The following ZNF100 variants were observed in gnomAD, a reference collection of about 807,000 sequenced individuals.
The protein encoded by ZNF100 is zinc finger protein 100, also known as zinc finger protein 100 (Y1).
ZNF100 carries 12 observed loss-of-function variants against 15.8 expected under a neutral mutation model. That is an observed-to-expected ratio of 0.76 (90% CI 0.49 to 1.23). The LOEUF (loss-of-function observed/expected upper bound fraction) is 1.23, where lower values mean the gene tolerates loss of function less well. Ranked by LOEUF, ZNF100 falls within the 50% of genes most tolerant of loss-of-function variation. The pLI is 0.00. For synonymous variants in ZNF100, 226 were observed against 214.8 expected, an observed-to-expected ratio of 1.05 and a Z score of -0.45; for missense variants, 670 against 635.6, an observed-to-expected ratio of 1.05 and a Z score of -0.58.
rs1431725041 is a variant in ZNF100, at chr19:21,725,646, G to A, written c.*1037C>T. ...AGAAAAGGCAGGAAATAATTTAAGA[G>A]TTGAATTACATTATTACTCACTTTT... On this transcript the variant is annotated 3_prime_UTR_variant, in exon 5 of 5. Coordinates refer to ENST00000358296, the MANE Select transcript of ZNF100 (RefSeq NM_173531.4). 1 of 152,062 alleles carries A rather than the reference G, an allele frequency of 6.6e-6. No individual in the cohort carries two copies. The highest frequency in any genetic ancestry group is 1.5e-5 in the Non-Finnish European group (1 of 67,978). 9.4% of individuals were successfully genotyped at this position (152,062 alleles called of 1,614,324 possible).
rs567834595 is a variant in ZNF100 at position 21,733,257 on chromosome 19, T to C, written c.323-5268A>G. On this transcript the variant is annotated intron_variant, in intron 4 of 4. Transcript: ENST00000358296. ...ATAAAAAACAAGATATAAATCTGCA[T>C]AAATCTGTTAATAGATACACAATGT... 2.6e-5 allele frequency among the ~76,000 whole-genome samples: 4 copies of C among 151,586 alleles called. No individual in the cohort carries two copies. The East Asian group carries it at 7.7e-4, about 29-fold the overall frequency.
chr19:21,760,882 G>A (rs926088006), intron 2 of ZNF100, among the ~76,000 whole-genome samples: 8 of 149,818 alleles, frequency 5.3e-5, no homozygotes, highest in African/African-American at 1.2e-4. Flanking sequence ...TCAGCCTCCC[G>A]AGTAGCTGGG....
At chr19:21,751,206 C>A in intron 2 of ZNF100, 3 of 1,303,028 alleles carry the variant, frequency 2.3e-6, no homozygotes, top group Non-Finnish European at 3.3e-6. Flanking sequence ...AAAAGTATAG[C>A]TCATGCTCAA....
rs2036584312 is a variant in ZNF100 at position 21,767,467 on chromosome 19, G to A, written c.-38C>T. ...AGGGGGTCCTGGCGTCTTAGCTGTG[G>A]ATCTCCCAATATCTGCAGGTCAGAG... On this transcript the variant is annotated 5_prime_UTR_variant, in exon 1 of 5. Coordinates refer to ENST00000358296, the MANE Select transcript of ZNF100 (RefSeq NM_173531.4). 1 of 1,613,860 alleles carries A rather than the reference G, an allele frequency of 6.2e-7. No homozygotes were observed. The highest frequency in any genetic ancestry group is 8.5e-7 in the Non-Finnish European group (1 of 1,179,916).
At chr19:21,751,044 C>T in intron 2 of ZNF100, 1 of 1,352,788 alleles carries the variant, frequency 7.4e-7, no homozygotes. Context: ...AGCACATCAG[C>T]GACCACGAGA....
At chr19:21,744,349 G>A (rs2036173830) in intron 3 of ZNF100, among the ~76,000 whole-genome samples, 1 of 152,066 alleles carries the variant, frequency 6.6e-6, no homozygotes, top group South Asian at 2.1e-4. Context: ...TTTAAAATAT[G>A]GGCAAATATA....
intron 4 of ZNF100, among the ~76,000 whole-genome samples, chr19:21,731,559 A>G (rs1180431780): frequency 6.6e-6 from 1 of 152,116 alleles, no homozygotes; most frequent in Admixed American, 6.6e-5. Flanking sequence ...CGCCTGCCTC[A>G]GCCTCTCAAA....
intron 4 of ZNF100, among the ~76,000 whole-genome samples, chr19:21,737,814 C>T (rs1472442771): frequency 1.3e-5 from 2 of 152,156 alleles, no homozygotes; most frequent in Non-Finnish European, 2.9e-5. Context: ...GAAGAGCTGG[C>T]ACCATTTCTT....
intron 2 of ZNF100, among the ~76,000 whole-genome samples, chr19:21,762,727 G>A (rs2036501416): frequency 6.6e-6 from 1 of 152,152 alleles, no homozygotes; most frequent in Admixed American, 6.5e-5. Context: ...AATAGAGGGG[G>A]AAAATGTCAG....
chr19:21,728,773 T>C (rs1281957291), intron 4 of ZNF100, among the ~76,000 whole-genome samples: 1 of 151,600 alleles, frequency 6.6e-6, no homozygotes, highest in Non-Finnish European at 1.5e-5. Context: ...TCCATAAAAA[T>C]ATAAAATTTT....
intron 2 of ZNF100, chr19:21,750,882 G>C (rs1440667176): frequency 8.7e-6 from 5 of 574,258 alleles, no homozygotes; most frequent in Admixed American, 6.2e-5. Context: ...TGTCCCCCCA[G>C]TACCAGCCTC....
intron 2 of ZNF100, among the ~76,000 whole-genome samples, chr19:21,746,411 G>C (rs1451462596): frequency 5.3e-5 from 8 of 152,118 alleles, no homozygotes; most frequent in Non-Finnish European, 8.8e-5. Context: ...ATTTAAGTAA[G>C]TATTTTCTTA....
Position 21,727,907 on chromosome 19 carries a change from A to G in ZNF100, c.405T>C (p.Tyr135=), listed in dbSNP as rs1446856881. Residue 135 remains tyrosine, a synonymous_variant, in exon 5 of 5, where the codon TAT becomes TAC. Transcript: ENST00000358296. ...GTAAATTGTCATGTCCATATTTTCC[A>G]TATTTTTTCAGAATCGCTTCTTGAA... The part of the protein sequence containing the change: ...DSFQEAILKK[Y]GKYGHDNLQL... The G allele has an allele frequency of 2.5e-6, 4 of 1,600,046 alleles. No homozygotes were observed. Among genetic ancestry groups the G allele is most frequent in the Admixed American group, 1.8e-5 (1 of 57,126 alleles).
chr19:21,744,948 G>A lies in ZNF100; in HGVS notation c.216C>T (p.Val72=), dbSNP rs182442113. The stretch of plus-strand genomic sequence containing the variant: ...TATTAAAGTTATTCTCACCCAAGAA[G>A]ACCAGGTTTCTGTAGTTCTCTAACA... ...KVMLENYRNL[V]FLAGIALTKP... is the part of the protein sequence containing the mutation. Residue 72 remains valine, a synonymous_variant, in exon 3 of 5, where the codon GTC becomes GTT. Coordinates refer to ENST00000358296, the MANE Select transcript of ZNF100 (RefSeq NM_173531.4). The A allele has an allele frequency of 5.0e-6, 8 of 1,606,746 alleles. No homozygotes were observed. The highest frequency in any genetic ancestry group is 1.3e-5 in the African/African-American group (1 of 74,466).
intron 4 of ZNF100, among the ~76,000 whole-genome samples, chr19:21,736,153 T>C (rs558605825): frequency 1.3e-5 from 2 of 152,074 alleles, no homozygotes; most frequent in Non-Finnish European, 2.9e-5. Flanking sequence ...AATGGCGCGA[T>C]CTTGGCTCAC....
chr19:21,738,589 T>A (rs541073378), intron 4 of ZNF100, among the ~76,000 whole-genome samples: 1 of 152,204 alleles, frequency 6.6e-6, no homozygotes, highest in South Asian at 2.1e-4. Flanking sequence ...AATAAATGGT[T>A]CTGGGAGAAC....
At chr19:21,759,868 CTCTTA>C (rs1345000566) in intron 2 of ZNF100, among the ~76,000 whole-genome samples, 9 of 152,270 alleles carry the variant, frequency 5.9e-5, no homozygotes, top group East Asian at 1.9e-4. Context: ...GAAAGCCATT[CTCTTA>C]TATCTCCACT....
intron 2 of ZNF100, among the ~76,000 whole-genome samples, chr19:21,755,079 G>A (rs1299267929): frequency 1.3e-5 from 2 of 152,148 alleles, no homozygotes; most frequent in East Asian, 1.9e-4. Flanking sequence ...TTGGGAGGCC[G>A]AGGCGGCTGG....
intron 2 of ZNF100, among the ~76,000 whole-genome samples, chr19:21,753,940 CACTT>C (rs1246347485): frequency 1.3e-5 from 2 of 152,178 alleles, no homozygotes; most frequent in Non-Finnish European, 2.9e-5. Context: ...CCCTTAGGAA[CACTT>C]ACTTCAGGCT....
Sources: allele counts gnomAD v4.1 joint callset (sites outside exome capture counted in the v4.1 genomes callset), GRCh38; gene constraint gnomAD v4.1.1; transcripts MANE v1.5; gene names NCBI Gene and HGNC (gene_info 2026-07-23, HGNC 2026-07-21).